Variants in DNER observed in about 807,000 individuals in gnomAD.
DNER encodes the protein delta/notch like EGF repeat containing.
A neutral mutation model predicts 78.2 loss-of-function variants in DNER; 33 were observed. That is an observed-to-expected ratio of 0.42 (90% CI 0.32 to 0.56). The LOEUF (loss-of-function observed/expected upper bound fraction) is 0.56, where lower values mean the gene tolerates loss of function less well. Ranked by LOEUF, DNER falls within the 20% of genes least tolerant of loss-of-function variation. The probability of loss-of-function intolerance (pLI) is 0.11; values close to 1 mark genes in which losing one functional copy is unlikely to be tolerated. For missense variants in DNER, 918 were observed against 975.3 expected (o/e 0.94, Z 0.78); for synonymous variants, 417 against 384.8 (o/e 1.08, Z -0.98).
chr2:229,687,755 C>A lies in DNER; in HGVS notation c.276+26393G>T, dbSNP rs185958232. Among the ~76,000 whole-genome samples the A allele has an allele frequency of 3.1e-3, 467 of 152,312 alleles. 5 individuals carry two copies. The highest frequency in any genetic ancestry group is 8.5e-3 in the South Asian group (41 of 4,822). ...TTTAATGAAATTTGACACTACTTAT[C>A]TGTCACAACATTTTAATATCTGTAG... On this transcript the variant is annotated intron_variant, in intron 1 of 12. Transcript: ENST00000341772.
intron 10 of DNER, among the ~76,000 whole-genome samples, chr2:229,391,291 G>A (rs1693011436): frequency 6.6e-6 from 1 of 152,062 alleles, no homozygotes. Context: ...TTTATTATAA[G>A]AGTTCTTAGT....
intron 4 of DNER, among the ~76,000 whole-genome samples, chr2:229,549,873 T>C (rs1696698375): frequency 6.6e-6 from 1 of 150,638 alleles, no homozygotes; most frequent in Non-Finnish European, 1.5e-5. Context: ...ATCGTGCCAC[T>C]GCACTCCAGC....
At chr2:229,519,295 T>C (rs1375632146) in intron 5 of DNER, among the ~76,000 whole-genome samples, 1 of 152,192 alleles carries the variant, frequency 6.6e-6, no homozygotes, top group African/African-American at 2.4e-5. Context: ...ATCATTCCAG[T>C]GAGACAAGTC....
intron 1 of DNER, among the ~76,000 whole-genome samples, chr2:229,641,452 G>A (rs1267081461): frequency 6.6e-6 from 1 of 152,106 alleles, no homozygotes; most frequent in Admixed American, 6.6e-5. Context: ...TTACACAGAT[G>A]CAAATGCAAA....
chr2:229,580,003 G>C (rs1181072856), intron 4 of DNER, among the ~76,000 whole-genome samples: 1 of 152,068 alleles, frequency 6.6e-6, no homozygotes, highest in Non-Finnish European at 1.5e-5. Flanking sequence ...AAAGTACCTA[G>C]TTATTCATGT....
intron 5 of DNER, among the ~76,000 whole-genome samples, chr2:229,530,589 G>A (rs187297411): frequency 3.3e-4 from 50 of 152,370 alleles, no homozygotes; most frequent in Non-Finnish European, 5.9e-5. Context: ...GAGAGGGCCT[G>A]TAGCAACCTT....
chr2:229,372,610 G>A (rs1160603181), intron 11 of DNER, among the ~76,000 whole-genome samples: 1 of 152,216 alleles, frequency 6.6e-6, no homozygotes, highest in South Asian at 2.1e-4. Context: ...ATTTTAATAG[G>A]AGCTTGGCAC....
intron 1 of DNER, among the ~76,000 whole-genome samples, chr2:229,644,644 T>C (rs1038758844): frequency 2.0e-5 from 3 of 151,934 alleles, no homozygotes; most frequent in Non-Finnish European, 4.4e-5. Context: ...TATTTTTCAG[T>C]ATTGTGTTAA....
intron 1 of DNER, among the ~76,000 whole-genome samples, chr2:229,633,004 T>G (rs1434224882): frequency 1.3e-5 from 2 of 152,240 alleles, no homozygotes. Flanking sequence ...GCAACTGTTC[T>G]GTAAAACTGA....
At chr2:229,698,051 T>C (rs1173238280) in intron 1 of DNER, among the ~76,000 whole-genome samples, 1 of 151,778 alleles carries the variant, frequency 6.6e-6, no homozygotes, top group Non-Finnish European at 1.5e-5. Flanking sequence ...AAATAAAAAA[T>C]AAATTAGCCA....
intron 4 of DNER, among the ~76,000 whole-genome samples, chr2:229,574,427 T>C (rs1697261973): frequency 6.6e-6 from 1 of 152,090 alleles, no homozygotes; most frequent in African/African-American, 2.4e-5. Context: ...AGAAAACTGT[T>C]AGAGATTTAT....
chr2:229,465,768 T>C (rs1382919583), intron 7 of DNER, among the ~76,000 whole-genome samples: 1 of 152,076 alleles, frequency 6.6e-6, no homozygotes, highest in East Asian at 1.9e-4. Context: ...AGACAACACC[T>C]TGGATGAGAA....
rs199795474 is a variant in DNER, at chr2:229,638,953, A to G, written c.277-47065T>C. Among the ~76,000 whole-genome samples the G allele has an allele frequency of 5.9e-5, 9 of 152,300 alleles. No individual in the cohort carries two copies. The East Asian group carries it at 1.7e-3, about 29-fold the overall frequency. On this transcript the variant is annotated intron_variant, in intron 1 of 12. Transcript: ENST00000341772. The stretch of plus-strand genomic sequence containing the variant: ...GGCTTCTGCTCTGCTGCTTGAATCC[A>G]ATGGGTTTCTCAATGTCTATGACCA...
intron 1 of DNER, among the ~76,000 whole-genome samples, chr2:229,598,243 G>A (rs889678724): frequency 5.9e-5 from 9 of 152,246 alleles, no homozygotes; most frequent in Non-Finnish European, 1.3e-4. Flanking sequence ...TTCCATACTA[G>A]TTTAGAAAAT....
chr2:229,374,201 G>C (rs1692550342), intron 11 of DNER, among the ~76,000 whole-genome samples: 1 of 152,052 alleles, frequency 6.6e-6, no homozygotes, highest in Non-Finnish European at 1.5e-5. Flanking sequence ...AGGTACTTGT[G>C]GATATAGAGG....
At chr2:229,377,821 T>C (rs191481178) in intron 11 of DNER, among the ~76,000 whole-genome samples, 1 of 152,260 alleles carries the variant, frequency 6.6e-6, no homozygotes, top group Non-Finnish European at 1.5e-5. Flanking sequence ...GAGATACCAT[T>C]GGTGGGTGGT....
At chr2:229,380,946 A>G (rs1209660705) in intron 11 of DNER, among the ~76,000 whole-genome samples, 1 of 152,040 alleles carries the variant, frequency 6.6e-6, no homozygotes, top group Non-Finnish European at 1.5e-5. Context: ...AAAAAATAAA[A>G]TAAAATAAAA....
chr2:229,587,140 T>A, intron 3 of DNER: 1 of 231,336 alleles, frequency 4.3e-6, no homozygotes, highest in Non-Finnish European at 7.1e-6. Context: ...TTTATCAAGG[T>A]AAGATAATAT....
At chr2:229,620,719 TG>T (rs1226042765) in intron 1 of DNER, among the ~76,000 whole-genome samples, 1 of 152,194 alleles carries the variant, frequency 6.6e-6, no homozygotes, top group Non-Finnish European at 1.5e-5. Context: ...ATCCATATAT[TG>T]AAGTCCCATC....
Sources: gnomAD v4.1 joint callset for allele counts (sites outside exome capture counted in the v4.1 genomes callset) on GRCh38, gnomAD v4.1.1 for gene constraint, MANE v1.5 for transcripts, NCBI Gene and HGNC (gene_info 2026-07-23, HGNC 2026-07-21) for gene names.